Variants in XKR6 observed in about 807,000 individuals in gnomAD.
XKR6 encodes XK-related protein 6.
Under a neutral mutation model 56.7 loss-of-function variants are expected in XKR6, and 22 were observed. The ratio of observed to expected loss-of-function variants is 0.39; its 90% confidence interval spans 0.28 to 0.55. XKR6 has a LOEUF of 0.55. Ranked by LOEUF, XKR6 falls within the 20% of genes least tolerant of loss-of-function variation. The probability of loss-of-function intolerance (pLI) is 0.66; values close to 1 mark genes in which losing one functional copy is unlikely to be tolerated. For missense variants in XKR6, 852 were observed against 889.0 expected (o/e 0.96, Z 0.53); for synonymous variants, 524 against 387.8 (o/e 1.35, Z -4.13).
intron 1 of XKR6, among the ~76,000 whole-genome samples, chr8:11,019,309 C>T (rs1798696270): frequency 6.6e-6 from 1 of 152,144 alleles, no homozygotes; most frequent in Admixed American, 6.5e-5. Flanking sequence ...AGTGAGGAGA[C>T]TGTGAATGGG....
At chr8:10,971,159 C>G (rs566204277) in intron 1 of XKR6, among the ~76,000 whole-genome samples, 1 of 151,834 alleles carries the variant, frequency 6.6e-6, no homozygotes, top group Non-Finnish European at 1.5e-5. Flanking sequence ...CGGTGGCTCA[C>G]GCCTGTAATC....
At chr8:11,119,026 T>G (rs545379980) in intron 1 of XKR6, among the ~76,000 whole-genome samples, 2 of 152,252 alleles carry the variant, frequency 1.3e-5, no homozygotes, top group African/African-American at 4.8e-5. Flanking sequence ...TCTCGTTGGT[T>G]TCAAAGAACA....
At chr8:11,153,827 G>A (rs985714575) in intron 1 of XKR6, among the ~76,000 whole-genome samples, 1 of 152,170 alleles carries the variant, frequency 6.6e-6, no homozygotes, top group Non-Finnish European at 1.5e-5. Context: ...CCCATCAACA[G>A]ATCCTCATGC....
At chr8:11,129,033 A>ATTAAGCACATCT (rs1799970100) in intron 1 of XKR6, 1 of 452,738 alleles carries the variant, frequency 2.2e-6, no homozygotes, top group African/African-American at 2.0e-5. Context: ...ACACAGTGAA[A>ATTAAGCACATCT]TTAAGCACAT....
At chr8:11,087,450 C>A (rs1797926578) in intron 1 of XKR6, among the ~76,000 whole-genome samples, 1 of 152,190 alleles carries the variant, frequency 6.6e-6, no homozygotes, top group Non-Finnish European at 1.5e-5. Context: ...ACTTTCCGCA[C>A]AGCAACGTGA....
At chr8:11,098,401 A>C (rs1798343087) in intron 1 of XKR6, among the ~76,000 whole-genome samples, 1 of 152,038 alleles carries the variant, frequency 6.6e-6, no homozygotes, top group Admixed American at 6.6e-5. Context: ...GGTGAACTTG[A>C]GGTCCTATTT....
chr8:10,917,559 G>A (rs1800596434), intron 2 of XKR6, among the ~76,000 whole-genome samples: 1 of 152,220 alleles, frequency 6.6e-6, no homozygotes, highest in Non-Finnish European at 1.5e-5. Flanking sequence ...GGTCACTCTA[G>A]GTTCCAGCCC....
intron 1 of XKR6, among the ~76,000 whole-genome samples, chr8:11,142,631 G>C (rs1800764668): frequency 6.6e-6 from 1 of 152,134 alleles, no homozygotes; most frequent in Non-Finnish European, 1.5e-5. Context: ...TGCCATGTGA[G>C]ATGCCTTCTC....
At chr8:10,999,954 T>A (rs1212400066) in intron 1 of XKR6, among the ~76,000 whole-genome samples, 1 of 152,206 alleles carries the variant, frequency 6.6e-6, no homozygotes, top group Non-Finnish European at 1.5e-5. Context: ...AAGGAAGGTA[T>A]TTGATTTCAC....
Position 11,200,969 on chromosome 8 carries a change from CGCTCCACCTGCGGCGGCGGCG to C in XKR6, c.350_370del (p.Pro117_Glu123del). The C allele has an allele frequency of 6.6e-7, 1 of 1,516,928 alleles. No individual in the cohort carries two copies. The highest frequency in any genetic ancestry group is 8.8e-7 in the Non-Finnish European group (1 of 1,134,788). 94.0% of individuals were successfully genotyped at this position (1,516,928 alleles called of 1,614,324 possible). On this transcript the variant is annotated inframe_deletion, in exon 1 of 3. Transcript: ENST00000416569. This position sits in a 1 kb window ranked among gnomAD's most constrained non-coding sequence, Gnocchi z 6.4. The stretch of plus-strand genomic sequence containing the variant: ...GATCCACAGGCAGTCGAGCCACGGC[CGCTCCACCTGCGGCGGCGGCG>C]GCTCCGGCCGCGCGGCCGAGGGCGT...
intron 1 of XKR6, among the ~76,000 whole-genome samples, chr8:11,182,941 C>A (rs1803073251): frequency 6.6e-6 from 1 of 152,204 alleles, no homozygotes; most frequent in Admixed American, 6.5e-5. Context: ...TCCTCCACGG[C>A]CCTTTTGTAA....
chr8:11,125,676 A>G (rs970530883), intron 1 of XKR6: 1 of 152,246 alleles, frequency 6.6e-6, no homozygotes, highest in Non-Finnish European at 1.5e-5. Context: ...TACAAATTCC[A>G]TACCTGCAAA....
intron 1 of XKR6, among the ~76,000 whole-genome samples, chr8:11,119,935 C>T (rs958495450): frequency 6.6e-6 from 1 of 152,068 alleles, no homozygotes; most frequent in African/African-American, 2.4e-5. Context: ...AGACAAAAAC[C>T]ACATGATTAT....
chr8:11,182,313 T>C (rs1164158779), intron 1 of XKR6, among the ~76,000 whole-genome samples: 1 of 152,156 alleles, frequency 6.6e-6, no homozygotes, highest in African/African-American at 2.4e-5. Flanking sequence ...ACAGTTCCTT[T>C]ATTGGAATAA....
At chr8:11,144,425 G>A (rs539356527) in intron 1 of XKR6, among the ~76,000 whole-genome samples, 1 of 151,536 alleles carries the variant, frequency 6.6e-6, no homozygotes, top group African/African-American at 2.4e-5. Context: ...GTCTGCTGGA[G>A]CAAAGTCGAG....
chr8:11,154,952 C>G (rs977483244), intron 1 of XKR6, among the ~76,000 whole-genome samples: 2 of 152,188 alleles, frequency 1.3e-5, no homozygotes, highest in Admixed American at 6.5e-5. Flanking sequence ...AACATGTCTA[C>G]TACTCCTGGA....
At chr8:11,108,464 C>A (rs1013310440) in intron 1 of XKR6, 2 of 414,260 alleles carry the variant, frequency 4.8e-6, no homozygotes, top group African/African-American at 2.1e-5. Flanking sequence ...GAAATATGTT[C>A]ATTTAAAAAA....
intron 1 of XKR6, among the ~76,000 whole-genome samples, chr8:11,073,433 G>A (rs943681585): frequency 6.6e-6 from 1 of 152,148 alleles, no homozygotes; most frequent in Non-Finnish European, 1.5e-5. Context: ...TGAAGGACTG[G>A]CATACAAGGC....
At chr8:10,908,627 C>A (rs1161079008) in intron 2 of XKR6, among the ~76,000 whole-genome samples, 10 of 152,136 alleles carry the variant, frequency 6.6e-5, no homozygotes, top group Admixed American at 5.9e-4. Flanking sequence ...GACCTTTATG[C>A]AACGATCAGC....
Sources: allele counts gnomAD v4.1 joint callset (sites outside exome capture counted in the v4.1 genomes callset), GRCh38; gene constraint gnomAD v4.1.1; non-coding constraint Gnocchi (gnomAD v3.1); transcripts MANE v1.5; gene names NCBI Gene and HGNC (gene_info 2026-07-23, HGNC 2026-07-21).